P2RY10: variants seen among roughly 807,000 people sequenced by gnomAD.
The protein encoded by P2RY10 is putative P2Y purinoceptor 10.
A neutral mutation model predicts 12.1 loss-of-function variants in P2RY10; 4 were observed. The observed-to-expected ratio is 0.33, with a 90% CI of 0.16 to 0.76. P2RY10 has a LOEUF of 0.76. P2RY10 is among the 30% of genes least tolerant of loss of function. The pLI is 0.61. For missense variants in P2RY10, 233 were observed against 264.6 expected (o/e 0.88, Z 0.83); for synonymous variants, 112 against 94.1 (o/e 1.19, Z -1.10).
chrX:78,959,159 A>C (rs1465007950), intron 3 of P2RY10, among the ~76,000 whole-genome samples: 3 of 111,783 alleles, frequency 2.7e-5, no homozygotes, highest in African/African-American at 9.7e-5. Flanking sequence ...TGCAATATGC[A>C]CAGAAGGTAT....
At chrX:78,957,647 T>C (rs775536583) in intron 3 of P2RY10, among the ~76,000 whole-genome samples, 2 of 111,313 alleles carry the variant, frequency 1.8e-5, no homozygotes, top group Admixed American at 1.9e-4. Flanking sequence ...TAATGGTCAC[T>C]AAGAAGATTT....
chrX:78,946,972 G>A (rs1921867544), intron 1 of P2RY10, among the ~76,000 whole-genome samples: 1 of 111,748 alleles, frequency 8.9e-6, no homozygotes, highest in Non-Finnish European at 1.9e-5. Context: ...CCAGCATTTT[G>A]GGAGGCCGAG....
chrX:78,948,564 C>A (rs1246299666), intron 2 of P2RY10, among the ~76,000 whole-genome samples: 1 of 111,477 alleles, frequency 9.0e-6, no homozygotes, highest in Non-Finnish European at 1.9e-5. Context: ...GCACCCACCA[C>A]CTCAGTAGTG....
chrX:78,960,405 A>C, intron 3 of P2RY10, 103 bp from the exon 4 acceptor site: 1 of 602,367 alleles, frequency 1.7e-6, no homozygotes, highest in Non-Finnish European at 2.5e-6. Flanking sequence ...TGTCTCTTCT[A>C]ATTCTAATAG....
chrX:78,955,047 T>C (rs923375000), intron 3 of P2RY10, among the ~76,000 whole-genome samples: 1 of 111,924 alleles, frequency 8.9e-6, no homozygotes, highest in African/African-American at 3.2e-5. Flanking sequence ...AGGTAAGAGA[T>C]AAAGTTAAAG....
chrX:78,950,864 C>A (rs773029889), intron 2 of P2RY10, among the ~76,000 whole-genome samples: 144 of 112,114 alleles, frequency 1.3e-3, no homozygotes, highest in African/African-American at 4.4e-3. Context: ...ATAACTCTGA[C>A]TGCAGAAAGT....
intron 3 of P2RY10, among the ~76,000 whole-genome samples, chrX:78,959,901 T>A (rs1384409742): frequency 8.9e-6 from 1 of 111,856 alleles, no homozygotes; most frequent in African/African-American, 3.2e-5. Flanking sequence ...AGAGACAAAC[T>A]GCAGGATAAC....
chrX:78,960,738 T>C lies in P2RY10; in HGVS notation c.218T>C (p.Met73Thr). 8.3e-7 allele frequency: 1 copy of C among 1,211,421 alleles called. No individual in the cohort carries two copies. Among genetic ancestry groups the C allele is most frequent in the Non-Finnish European group, 1.1e-6 (1 of 895,025 alleles). ...AAGAAAAATAAAGCCATCATTTTCATGATCAACCTCTCTGTGGCTGACCTT... is the reference window on the plus strand; with the variant it reads ...AAGAAAAATAAAGCCATCATTTTCACGATCAACCTCTCTGTGGCTGACCTT... ...ISKKNKAIIF[M>T]INLSVADLAH... Residue 73 changes from methionine (M) to threonine (T), a missense_variant, in exon 4 of 4, where the codon ATG becomes ACG. Met to Thr is a moderately conservative substitution (Grantham distance 81). Transcript: ENST00000171757.
chrX:78,949,603 T>C (rs1157903749), intron 2 of P2RY10, among the ~76,000 whole-genome samples: 1 of 112,399 alleles, frequency 8.9e-6, no homozygotes, highest in Non-Finnish European at 1.9e-5. Context: ...TGATTGAAAG[T>C]CCAATACATA....
chrX:78,959,246 C>T (rs902698890), intron 3 of P2RY10, among the ~76,000 whole-genome samples: 1 of 111,075 alleles, frequency 9.0e-6, no homozygotes, highest in Non-Finnish European at 1.9e-5. Context: ...CCTTGTCCTC[C>T]CATTTCGAGT....
At chrX:78,957,387 C>CACACACACAGAG (rs760263078) in intron 3 of P2RY10, among the ~76,000 whole-genome samples, 2 of 75,809 alleles carry the variant, frequency 2.6e-5, no homozygotes, top group Non-Finnish European at 5.5e-5. Context: ...CACACACACA[C>CACACACACAGAG]AGAGAGAGAG....
At chrX:78,952,876 C>T (rs996710395) in intron 3 of P2RY10, among the ~76,000 whole-genome samples, 1 of 111,603 alleles carries the variant, frequency 9.0e-6, no homozygotes, top group Non-Finnish European at 1.9e-5. Context: ...AAATAGTCTT[C>T]CGAGAAAAGT....
In P2RY10 at chrX:78,962,585, C is replaced by A. The variant is rs1301344523; in HGVS notation, c.*1045C>A. Among the ~76,000 whole-genome samples the A allele has an allele frequency of 9.0e-6, 1 of 111,699 alleles. No homozygotes were observed. Among genetic ancestry groups the A allele is most frequent in the Admixed American group, 9.5e-5 (1 of 10,499 alleles). The stretch of plus-strand genomic sequence containing the variant: ...GTTTGCCTGGAATTCTCCAAAAAAC[C>A]TGTGGGTTGTGGGTTTGGCATGTCA... On this transcript the variant is annotated 3_prime_UTR_variant, in exon 4 of 4. Transcript: ENST00000171757.
chrX:78,961,577 T>A lies in P2RY10; in HGVS notation c.*37T>A. 9.7e-7 allele frequency: 1 copy of A among 1,033,383 alleles called. No individual in the cohort carries two copies. Among genetic ancestry groups the A allele is most frequent in the Non-Finnish European group, 1.3e-6 (1 of 754,999 alleles). 85.2% of individuals were successfully genotyped at this position (1,033,383 alleles called of 1,213,427 possible). ...CTCTTTAATTACGCCTTTGTTTACCTACGTTCCTTGTCTTTTTCCAAAGGC... is the reference window on the plus strand; with the variant it reads ...CTCTTTAATTACGCCTTTGTTTACCAACGTTCCTTGTCTTTTTCCAAAGGC... On this transcript the variant is annotated 3_prime_UTR_variant, in exon 4 of 4. Transcript: ENST00000171757.
At chrX:78,949,796 G>A (rs1289786436) in intron 2 of P2RY10, among the ~76,000 whole-genome samples, 3 of 112,186 alleles carry the variant, frequency 2.7e-5, no homozygotes, top group Non-Finnish European at 5.6e-5. Context: ...TGGAGTTGAT[G>A]TAGATTTATT....
chrX:78,962,419 T>C lies in P2RY10; in HGVS notation c.*879T>C, dbSNP rs1050923353. 8.9e-5 allele frequency among the ~76,000 whole-genome samples: 10 copies of C among 112,136 alleles called. No homozygotes were observed. The highest frequency in any genetic ancestry group is 3.2e-4 in the African/African-American group (10 of 30,855). The stretch of plus-strand genomic sequence containing the variant: ...AGGATCAACAGTGGTTAGCCAAAAT[T>C]GGTCCAGTATAATACACCATATATG... On this transcript the variant is annotated 3_prime_UTR_variant, in exon 4 of 4. Transcript: ENST00000171757.
intron 1 of P2RY10, among the ~76,000 whole-genome samples, chrX:78,945,814 A>T (rs773115972): frequency 8.9e-6 from 1 of 112,198 alleles, no homozygotes; most frequent in South Asian, 3.7e-4. Flanking sequence ...GAGTATATTC[A>T]GTGAGACTCA....
intron 1 of P2RY10, among the ~76,000 whole-genome samples, chrX:78,946,727 A>T (rs1029416001): frequency 2.7e-5 from 3 of 112,505 alleles, no homozygotes; most frequent in Admixed American, 1.9e-4. Context: ...ATCAGATCAC[A>T]CATTTGGGGC....
chrX:78,953,686 G>A (rs1922208664), intron 3 of P2RY10, among the ~76,000 whole-genome samples: 1 of 111,044 alleles, frequency 9.0e-6, no homozygotes, highest in East Asian at 2.8e-4. Flanking sequence ...GCTTTGGACT[G>A]TCACAGGTTT....
Sources: allele counts gnomAD v4.1 joint callset (sites outside exome capture counted in the v4.1 genomes callset), GRCh38; gene constraint gnomAD v4.1.1; transcripts MANE v1.5; gene names NCBI Gene and HGNC (gene_info 2026-07-23, HGNC 2026-07-21).